STK3: variants seen among roughly 807,000 people sequenced by gnomAD.
The protein encoded by STK3 is serine/threonine-protein kinase 3.
In STK3, 41 loss-of-function variants were observed where a neutral mutation model predicts 58.0. That is an observed-to-expected ratio of 0.71 (90% CI 0.55 to 0.92). The LOEUF is 0.92. STK3 is among the 40% of genes least tolerant of loss of function. The pLI is 0.00. For missense variants in STK3, 479 were observed against 602.7 expected (o/e 0.79, Z 2.15); for synonymous variants, 170 against 191.0 (o/e 0.89, Z 0.91).
intron 4 of STK3, among the ~76,000 whole-genome samples, chr8:98,740,547 G>C (rs1050799375): frequency 6.6e-6 from 1 of 152,164 alleles, no homozygotes; most frequent in African/African-American, 2.4e-5. Context: ...CAAAGGCTGA[G>C]AGATTTTGTC....
At chr8:98,855,202 C>T (rs896908949) in intron 3 of STK3, among the ~76,000 whole-genome samples, 1 of 152,152 alleles carries the variant, frequency 6.6e-6, no homozygotes, top group African/African-American at 2.4e-5. Context: ...TTCAAGGGAT[C>T]CAGAGTAGCC....
intron 2 of STK3, among the ~76,000 whole-genome samples, chr8:98,767,872 T>C (rs1388753238): frequency 6.6e-6 from 1 of 152,212 alleles, no homozygotes; most frequent in Non-Finnish European, 1.5e-5. Context: ...GCCATCTGCT[T>C]CTACCTGATT....
At chr8:98,375,267 A>C (rs1274577300) in intron 2 of STK3, among the ~76,000 whole-genome samples, 97 of 68,268 alleles carry the variant, frequency 1.4e-3, no homozygotes, top group African/African-American at 4.9e-3. Context: ...AAACAAAAAA[A>C]AAACAAAAAA....
intron 6 of STK3, among the ~76,000 whole-genome samples, chr8:98,661,761 G>C (rs1030249354): frequency 7.2e-5 from 11 of 152,040 alleles, no homozygotes; most frequent in African/African-American, 2.7e-4. Context: ...AGTTATTTAG[G>C]ATCCCAGAAT....
chr8:98,925,882 T>C (rs1418649918), intron 1 of STK3, among the ~76,000 whole-genome samples: 1 of 152,192 alleles, frequency 6.6e-6, no homozygotes, highest in Non-Finnish European at 1.5e-5. Flanking sequence ...TTGTTTGCCC[T>C]AGTGAGTTGA....
At chr8:98,753,467 T>C (rs535651958) in intron 3 of STK3, among the ~76,000 whole-genome samples, 6 of 152,120 alleles carry the variant, frequency 3.9e-5, no homozygotes, top group African/African-American at 1.2e-4. Context: ...CTGGGGCCTA[T>C]CAGAAGGTGG....
At chr8:98,933,408 C>T (rs1236723612) in intron 1 of STK3, among the ~76,000 whole-genome samples, 1 of 152,138 alleles carries the variant, frequency 6.6e-6, no homozygotes, top group African/African-American at 2.4e-5. Context: ...TAAATCTGCA[C>T]AAATTGTGCA....
chr8:98,782,134 T>C (rs1296686739), intron 1 of STK3: 2 of 234,416 alleles, frequency 8.5e-6, no homozygotes, highest in South Asian at 7.1e-5. Flanking sequence ...ACCAATGAAA[T>C]TGGCCATGCC....
chr8:98,712,103 AG>A (rs1387897761), intron 4 of STK3, among the ~76,000 whole-genome samples: 1 of 152,206 alleles, frequency 6.6e-6, no homozygotes, highest in East Asian at 1.9e-4. Flanking sequence ...TGTCACCACC[AG>A]GCCTGCCCTA....
intron 8 of STK3, among the ~76,000 whole-genome samples, chr8:98,561,292 A>C (rs1388576055): frequency 6.6e-6 from 1 of 151,240 alleles, no homozygotes; most frequent in African/African-American, 2.4e-5. Flanking sequence ...GAACAACCGG[A>C]TATCCATACG....
rs1563986881 is a variant in STK3 at position 98,774,807 on chromosome 8, CT to C, written c.38del (p.Lys13SerfsTer2). On this transcript the variant is annotated frameshift_variant, in exon 2 of 11. Coordinates refer to ENST00000419617, the MANE Select transcript of STK3 (RefSeq NM_006281.4). LOFTEE classifies it high-confidence loss of function. ...GCTTAGTCAAACTGTCTTCACTCAG[CT>C]TTTTTAGTTTACTGATTTAAAAAAG... ...QPPAPKSKLK[K>X]LSEDSLTKQP... The C allele has an allele frequency of 3.9e-6, 6 of 1,555,634 alleles. No homozygotes were observed. Among genetic ancestry groups the C allele is most frequent in the Admixed American group, 2.0e-5 (1 of 51,018 alleles).
intron 7 of STK3, among the ~76,000 whole-genome samples, chr8:98,593,637 C>T (rs1163473557): frequency 2.0e-5 from 3 of 152,174 alleles, no homozygotes; most frequent in South Asian, 4.1e-4. Flanking sequence ...ATCCAAGTTG[C>T]ATGCTCCTTA....
intron 7 of STK3, among the ~76,000 whole-genome samples, chr8:98,580,079 C>T (rs978214238): frequency 6.6e-6 from 1 of 151,742 alleles, no homozygotes; most frequent in African/African-American, 2.4e-5. Context: ...AGGAAGTGTA[C>T]ATTAGGAGTA....
rs919820064 is a variant in STK3 at position 98,825,614 on chromosome 8, C to T, written c.-74G>A. ...GGAGGAAAGGAGCCGGGGCACCGGC[C>T]GGCCGAGCCTAGGGCACCACAGAGG... On this transcript the variant is annotated 5_prime_UTR_variant, in exon 1 of 11. Transcript: ENST00000419617. 1.6e-5 allele frequency: 22 copies of T among 1,356,408 alleles called. No homozygotes were observed. Among genetic ancestry groups the T allele is most frequent in the Non-Finnish European group, 2.0e-5 (21 of 1,047,208 alleles). The allele number at this position is 1,356,408 out of a possible 1,614,324, so 84.0% of individuals were successfully genotyped here.
At chr8:98,496,642 A>G (rs1221338430) in intron 10 of STK3, among the ~76,000 whole-genome samples, 1 of 152,146 alleles carries the variant, frequency 6.6e-6, no homozygotes, top group Non-Finnish European at 1.5e-5. Flanking sequence ...TTCGGCCTTA[A>G]AAAAGGAACA....
chr8:98,763,792 C>A (rs1047541875), intron 3 of STK3, among the ~76,000 whole-genome samples: 2 of 152,116 alleles, frequency 1.3e-5, no homozygotes, highest in African/African-American at 4.8e-5. Flanking sequence ...CCTGCCTCAG[C>A]CTCCCAAGTA....
chr8:98,936,667 C>T (rs911568303), intron 1 of STK3, among the ~76,000 whole-genome samples: 1 of 152,224 alleles, frequency 6.6e-6, no homozygotes, highest in African/African-American at 2.4e-5. Context: ...ACTTGTTCTC[C>T]ACACTCTCCT....
At chr8:98,908,159 C>G (rs1191254226) in intron 1 of STK3, among the ~76,000 whole-genome samples, 4 of 152,206 alleles carry the variant, frequency 2.6e-5, no homozygotes, top group African/African-American at 9.6e-5. Flanking sequence ...CCTAGATTCA[C>G]TATTTCAGAA....
At chr8:98,703,486 C>T (rs1238788667) in intron 6 of STK3, among the ~76,000 whole-genome samples, 1 of 152,198 alleles carries the variant, frequency 6.6e-6, no homozygotes, top group Admixed American at 6.5e-5. Flanking sequence ...TTAACTACCA[C>T]TTTATCTCCT....
Sources: gnomAD v4.1 joint callset for allele counts (sites outside exome capture counted in the v4.1 genomes callset) on GRCh38, gnomAD v4.1.1 for gene constraint, MANE v1.5 for transcripts, NCBI Gene and HGNC (gene_info 2026-07-23, HGNC 2026-07-21) for gene names.